NAV2: variants seen among roughly 807,000 people sequenced by gnomAD.
NAV2 encodes the protein helicase, APC down-regulated 1.
Under a neutral mutation model 223.2 loss-of-function variants are expected in NAV2, and 54 were observed. That is an observed-to-expected ratio of 0.24 (90% confidence interval 0.19 to 0.30). NAV2 has a LOEUF of 0.30. Ranked by LOEUF, NAV2 falls within the 10% of genes least tolerant of loss-of-function variation. The pLI is 1.00. For synonymous variants in NAV2, 1,279 were observed against 1,239.3 expected (o/e 1.03, Z -0.67); for missense variants, 2,806 against 3,147.5 (o/e 0.89, Z 2.60).
intron 1 of NAV2, among the ~76,000 whole-genome samples, chr11:19,660,896 G>A (rs997793214): frequency 6.6e-6 from 1 of 152,076 alleles, no homozygotes; most frequent in Non-Finnish European, 1.5e-5. Flanking sequence ...GGAAAGTGGG[G>A]CTTTTGTTTG....
chr11:19,707,841 G>A (rs1400019153), upstream of NAV2, among the ~76,000 whole-genome samples: 1 of 152,290 alleles, frequency 6.6e-6, no homozygotes, highest in Non-Finnish European at 1.5e-5. Flanking sequence ...CTGCCACTAT[G>A]TTACTAGGCA....
At chr11:19,665,645 G>A (rs1565150345) in intron 1 of NAV2, among the ~76,000 whole-genome samples, 1 of 152,230 alleles carries the variant, frequency 6.6e-6, no homozygotes, top group East Asian at 1.9e-4. Flanking sequence ...ATTATACCTT[G>A]ATTTCAAAAT....
chr11:19,825,747 T>C (rs963165858), intron 1 of NAV2, among the ~76,000 whole-genome samples: 2 of 152,226 alleles, frequency 1.3e-5, no homozygotes, highest in Non-Finnish European at 1.5e-5. Flanking sequence ...GTTTTTGTTA[T>C]TACAACTAAT....
chr11:19,936,515 A>G, intron 7 of NAV2, among the ~76,000 whole-genome samples: 1 of 152,178 alleles, frequency 6.6e-6, no homozygotes, highest in East Asian at 1.9e-4. Context: ...TTTTTACGTT[A>G]ATGCCCACTC....
intron 1 of NAV2, among the ~76,000 whole-genome samples, chr11:19,513,755 T>C (rs1357731972): frequency 3.9e-5 from 6 of 152,342 alleles, no homozygotes; most frequent in Non-Finnish European, 8.8e-5. Context: ...AATGAGGTTA[T>C]TGGAGTGGCG....
intron 1 of NAV2, among the ~76,000 whole-genome samples, chr11:19,758,219 C>T (rs2054398470): frequency 6.6e-6 from 1 of 152,156 alleles, no homozygotes; most frequent in Non-Finnish European, 1.5e-5. Context: ...GTCCTGCCCT[C>T]ATAGAAAGTA....
intron 1 of NAV2, among the ~76,000 whole-genome samples, chr11:19,470,954 C>T (rs1055855695): frequency 3.9e-5 from 6 of 152,118 alleles, no homozygotes; most frequent in Admixed American, 3.3e-4. Context: ...GTAGAGTCAG[C>T]CTCCCAAGCC....
intron 1 of NAV2, among the ~76,000 whole-genome samples, chr11:19,434,477 A>T (rs943657661): frequency 2.0e-5 from 3 of 152,174 alleles, no homozygotes; most frequent in Admixed American, 1.3e-4. Context: ...GGAAGTGAGG[A>T]GTTTTTCAGT....
At chr11:19,363,166 G>C (rs1359637218) in intron 1 of NAV2, among the ~76,000 whole-genome samples, 3 of 151,936 alleles carry the variant, frequency 2.0e-5, no homozygotes, top group Non-Finnish European at 2.9e-5. Context: ...GGTGTGTGAT[G>C]TTCCCCTCCC....
At chr11:20,052,012 A>G (rs1457155918) in intron 17 of NAV2, among the ~76,000 whole-genome samples, 1 of 152,160 alleles carries the variant, frequency 6.6e-6, no homozygotes, top group Non-Finnish European at 1.5e-5. Context: ...ACCATTGCTC[A>G]CACCATCTAT....
chr11:20,053,916 G>C (rs949473346), intron 17 of NAV2, among the ~76,000 whole-genome samples, 164 bp from the exon 18 acceptor site: 1 of 152,126 alleles, frequency 6.6e-6, no homozygotes, highest in Non-Finnish European at 1.5e-5. Context: ...TAGAAAAAAG[G>C]TTTTGAGAAA....
At chr11:19,772,184 A>C (rs907860413) in intron 1 of NAV2, among the ~76,000 whole-genome samples, 5 of 152,222 alleles carry the variant, frequency 3.3e-5, no homozygotes, top group Non-Finnish European at 7.3e-5. Flanking sequence ...CCCCCAGAGA[A>C]GGAAAGAGAC....
chr11:19,895,104 C>CTTTTTTTTTTT (rs71050690), intron 6 of NAV2, among the ~76,000 whole-genome samples: 458 of 99,200 alleles, frequency 4.6e-3, no homozygotes, highest in Non-Finnish European at 6.2e-3. Flanking sequence ...CTTTTTCTTT[C>CTTTTTTTTTTT]TTTTTTTTTT....
At chr11:19,829,132 C>T (rs2152889856) in intron 1 of NAV2, among the ~76,000 whole-genome samples, 1 of 152,324 alleles carries the variant, frequency 6.6e-6, no homozygotes, top group Admixed American at 6.5e-5. Context: ...TCTCATCCCA[C>T]TCAGCTGTGC....
intron 12 of NAV2, among the ~76,000 whole-genome samples, chr11:20,042,870 C>T (rs1208253710): frequency 6.6e-6 from 1 of 152,128 alleles, no homozygotes; most frequent in Non-Finnish European, 1.5e-5. Flanking sequence ...GGCCTCAAAC[C>T]CCAGGAGGCC....
intron 11 of NAV2, 99 bp downstream of exon 11, chr11:19,984,346 G>T (rs4757875): frequency 0.72 from 1,120,566 of 1,563,924 alleles, 407,258 homozygotes; most frequent in Non-Finnish European, 0.75. Flanking sequence ...ATGGAGACTT[G>T]AACCCACAGA....
intron 1 of NAV2, among the ~76,000 whole-genome samples, chr11:19,550,261 A>G (rs2044646510): frequency 6.6e-6 from 1 of 152,254 alleles, no homozygotes; most frequent in South Asian, 2.1e-4. Context: ...GGCCATATGA[A>G]GAAAATCAGC....
chr11:19,963,405 A>G (rs2048503834), intron 10 of NAV2, among the ~76,000 whole-genome samples: 1 of 152,198 alleles, frequency 6.6e-6, no homozygotes, highest in Non-Finnish European at 1.5e-5. Flanking sequence ...ATGGCAGTTT[A>G]CTATAGCTAG....
chr11:19,884,609 G>A (rs79452616), intron 5 of NAV2, among the ~76,000 whole-genome samples: 7,786 of 152,184 alleles, frequency 0.051, 323 homozygotes, highest in African/African-American at 0.11. Flanking sequence ...ATGACGTTTC[G>A]CATTTTCTTG....
Sources: gnomAD v4.1 joint callset for allele counts (sites outside exome capture counted in the v4.1 genomes callset) on GRCh38, gnomAD v4.1.1 for gene constraint, MANE v1.5 for transcripts, NCBI Gene and HGNC (gene_info 2026-07-23, HGNC 2026-07-21) for gene names.